Variants in NKAIN2 observed in about 807,000 individuals in gnomAD.
NKAIN2 encodes the protein sodium/potassium-transporting ATPase subunit beta-1-interacting protein 2.
A neutral mutation model predicts 32.6 loss-of-function variants in NKAIN2; 14 were observed. The observed-to-expected ratio is 0.43, with a 90% CI of 0.28 to 0.67. NKAIN2 has a LOEUF of 0.67. Among genes scored for constraint, NKAIN2 ranks in the 30% least tolerant of loss-of-function variants. The probability of loss-of-function intolerance (pLI) is 0.17; values close to 1 mark genes in which losing one functional copy is unlikely to be tolerated. For synonymous variants in NKAIN2, 80 were observed against 87.2 expected, an observed-to-expected ratio of 0.92 and a Z score of 0.46; for missense variants, 198 against 258.3, an observed-to-expected ratio of 0.77 and a Z score of 1.60.
chr6:124,351,523 A>G (rs1054263383), intron 2 of NKAIN2, among the ~76,000 whole-genome samples: 2 of 151,574 alleles, frequency 1.3e-5, no homozygotes, highest in African/African-American at 4.8e-5. Context: ...AAAAAAAAAA[A>G]AGAAAAGAAG....
intron 1 of NKAIN2, among the ~76,000 whole-genome samples, chr6:124,080,114 C>T (rs900225666): frequency 6.6e-6 from 1 of 152,104 alleles, no homozygotes; most frequent in African/African-American, 2.4e-5. Context: ...CAACAGGTCT[C>T]GCTCAGCAGC....
intron 4 of NKAIN2, among the ~76,000 whole-genome samples, chr6:124,785,211 T>C (rs1159603496): frequency 6.6e-6 from 1 of 152,128 alleles, no homozygotes; most frequent in Non-Finnish European, 1.5e-5. Context: ...CTCTGTCACC[T>C]CCACATTTTT....
At position 124,793,678 on chromosome 6, in the gene NKAIN2, TC is replaced by T. The variant is rs879666869; in HGVS notation, c.535+2280del. On this transcript the variant is annotated intron_variant, in intron 5 of 6. Coordinates refer to ENST00000368417, the MANE Select transcript of NKAIN2 (RefSeq NM_001040214.3). Reference sequence around the variant, plus strand: ...ATGCTAGTTCCACAAGACATACTGCTCAAAAAAAAAAAAAAAAAGATTCCAA... The same window carrying T: ...ATGCTAGTTCCACAAGACATACTGCTAAAAAAAAAAAAAAAAAGATTCCAA... Among the ~76,000 whole-genome samples the T allele has an allele frequency of 9.3e-3, 531 of 57,354 alleles. 7 individuals are homozygous for T. The highest frequency in any genetic ancestry group is 0.012 in the East Asian group (28 of 2,404). 37.6% of individuals were successfully genotyped at this position (57,354 alleles called of 152,430 possible).
At chr6:124,221,106 C>A (rs957694604) in intron 1 of NKAIN2, among the ~76,000 whole-genome samples, 1 of 151,468 alleles carries the variant, frequency 6.6e-6, no homozygotes, top group South Asian at 2.1e-4. Context: ...CACATGCACA[C>A]GTATGTTTAT....
At chr6:124,183,867 A>G (rs916634811) in intron 1 of NKAIN2, among the ~76,000 whole-genome samples, 2 of 152,164 alleles carry the variant, frequency 1.3e-5, no homozygotes, top group Non-Finnish European at 2.9e-5. Flanking sequence ...GTTACAGAAG[A>G]TGATTTTTTA....
chr6:124,493,711 C>CG (rs925156419), intron 3 of NKAIN2, among the ~76,000 whole-genome samples: 2 of 101,116 alleles, frequency 2.0e-5, no homozygotes, highest in African/African-American at 8.0e-5. Flanking sequence ...CACCAACCCC[C>CG]CCCTCCAAAA....
intron 3 of NKAIN2, among the ~76,000 whole-genome samples, chr6:124,374,437 A>G (rs866643658): frequency 2.0e-5 from 3 of 152,140 alleles, no homozygotes; most frequent in South Asian, 2.1e-4. Flanking sequence ...CCTATGACCT[A>G]TGAAACTCAT....
intron 1 of NKAIN2, among the ~76,000 whole-genome samples, chr6:123,807,932 T>C (rs1773287825): frequency 6.6e-6 from 1 of 152,160 alleles, no homozygotes; most frequent in Non-Finnish European, 1.5e-5. Flanking sequence ...AGGAGTACAT[T>C]TGAAACTTAA....
At chr6:124,130,498 A>T (rs1786418742) in intron 1 of NKAIN2, among the ~76,000 whole-genome samples, 2 of 152,172 alleles carry the variant, frequency 1.3e-5, no homozygotes, top group South Asian at 4.1e-4. Flanking sequence ...AAATAATTGT[A>T]AATATGTATA....
At chr6:123,881,892 T>A (rs933730102) in intron 1 of NKAIN2, among the ~76,000 whole-genome samples, 3 of 152,180 alleles carry the variant, frequency 2.0e-5, no homozygotes, top group Non-Finnish European at 2.9e-5. Context: ...TGTAGATCTT[T>A]AACATGGTGC....
intron 1 of NKAIN2, among the ~76,000 whole-genome samples, chr6:124,144,994 A>G (rs1046467957): frequency 3.3e-5 from 5 of 152,218 alleles, no homozygotes; most frequent in Admixed American, 6.5e-5. Context: ...CACCAGAGAC[A>G]ATATTCCGAT....
intron 1 of NKAIN2, among the ~76,000 whole-genome samples, chr6:123,868,016 A>C (rs9482477): frequency 0.032 from 4,925 of 151,808 alleles, 225 homozygotes; most frequent in African/African-American, 0.1. Context: ...CTACAGGCGC[A>C]CACCACCACA....
intron 2 of NKAIN2, among the ~76,000 whole-genome samples, chr6:124,345,582 A>T (rs1798376837): frequency 6.6e-6 from 1 of 151,562 alleles, no homozygotes; most frequent in African/African-American, 2.4e-5. Flanking sequence ...TGTGTCGAGG[A>T]ATTTATCCAT....
At chr6:124,185,815 A>C (rs1473692186) in intron 1 of NKAIN2, among the ~76,000 whole-genome samples, 1 of 152,082 alleles carries the variant, frequency 6.6e-6, no homozygotes, top group Non-Finnish European at 1.5e-5. Flanking sequence ...TCTTAGTATG[A>C]CAGTTTTAGA....
chr6:124,430,056 T>C (rs914372938), intron 3 of NKAIN2, among the ~76,000 whole-genome samples: 3 of 152,148 alleles, frequency 2.0e-5, no homozygotes, highest in Non-Finnish European at 2.9e-5. Context: ...AAGACAAATA[T>C]TTCAAAATTC....
chr6:124,789,533 C>G (rs537128942), intron 4 of NKAIN2, among the ~76,000 whole-genome samples: 1 of 152,070 alleles, frequency 6.6e-6, no homozygotes, highest in Admixed American at 6.6e-5. Flanking sequence ...ATAAAAAGAG[C>G]ATTTTCATGG....
chr6:124,814,893 T>C (rs1475440354), intron 5 of NKAIN2, among the ~76,000 whole-genome samples: 2 of 152,098 alleles, frequency 1.3e-5, no homozygotes, highest in African/African-American at 2.4e-5. Flanking sequence ...TCAAGTTAAT[T>C]AAATATTTCA....
intron 1 of NKAIN2, among the ~76,000 whole-genome samples, chr6:124,093,957 T>C (rs1361871715): frequency 1.3e-5 from 2 of 152,134 alleles, no homozygotes; most frequent in Non-Finnish European, 2.9e-5. Context: ...TTTATGTGCT[T>C]TTAAGGGCCT....
intron 4 of NKAIN2, among the ~76,000 whole-genome samples, chr6:124,742,935 T>A (rs1777287727): frequency 6.6e-6 from 1 of 151,890 alleles, no homozygotes; most frequent in Non-Finnish European, 1.5e-5. Context: ...TACAATTCAC[T>A]CAAAAATGAA....
Sources: allele counts gnomAD v4.1 joint callset (sites outside exome capture counted in the v4.1 genomes callset), GRCh38; gene constraint gnomAD v4.1.1; transcripts MANE v1.5; gene names NCBI Gene and HGNC (gene_info 2026-07-23, HGNC 2026-07-21).